TENM2: variants seen among roughly 807,000 people sequenced by gnomAD.
The protein encoded by TENM2 is teneurin-2.
In TENM2, 52 loss-of-function variants were observed where a neutral mutation model predicts 245.2. The observed-to-expected ratio is 0.21, with a 90% CI of 0.17 to 0.27. TENM2 has a LOEUF of 0.27. TENM2 is among the 10% of genes least tolerant of loss of function. The probability of loss-of-function intolerance (pLI) is 1.00; values close to 1 mark genes in which losing one functional copy is unlikely to be tolerated. For synonymous variants in TENM2, 1,363 were observed against 1,438.9 expected, an observed-to-expected ratio of 0.95 and a Z score of 1.19; for missense variants, 3,046 against 3,666.8, an observed-to-expected ratio of 0.83 and a Z score of 4.37.
At chr5:167,956,164 C>G (rs904142812) in intron 4 of TENM2, among the ~76,000 whole-genome samples, 2 of 152,080 alleles carry the variant, frequency 1.3e-5, no homozygotes, top group Non-Finnish European at 2.9e-5. Flanking sequence ...GTTTGTAGTC[C>G]TCCTTGAAGA....
chr5:167,492,980 G>A (rs761963087), intron 2 of TENM2, among the ~76,000 whole-genome samples: 1 of 152,116 alleles, frequency 6.6e-6, no homozygotes, highest in Non-Finnish European at 1.5e-5. Context: ...AAATCATAGA[G>A]GAGATGCATT....
intron 2 of TENM2, among the ~76,000 whole-genome samples, chr5:167,528,896 A>C (rs2127590938): frequency 6.6e-6 from 1 of 152,248 alleles, no homozygotes; most frequent in Middle Eastern, 3.4e-3. Flanking sequence ...AACTATCTTT[A>C]GGCTTTTTGA....
intron 23 of TENM2, among the ~76,000 whole-genome samples, chr5:168,222,569 C>T (rs912550591): frequency 2.6e-5 from 4 of 152,156 alleles, no homozygotes; most frequent in Non-Finnish European, 4.4e-5. Context: ...TCCTCTTTGT[C>T]CTGGGAAGTG....
intron 2 of TENM2, among the ~76,000 whole-genome samples, chr5:167,543,469 C>T (rs1772346929): frequency 6.6e-6 from 1 of 152,132 alleles, no homozygotes; most frequent in South Asian, 2.1e-4. Flanking sequence ...GGTAAACAAC[C>T]TTCCATACTG....
At chr5:167,303,710 T>C (rs1422879586) in intron 1 of TENM2, among the ~76,000 whole-genome samples, 3 of 152,108 alleles carry the variant, frequency 2.0e-5, no homozygotes, top group African/African-American at 7.2e-5. Flanking sequence ...AATGTGAATA[T>C]GTATCGAGAC....
chr5:167,823,628 T>C (rs527550919), intron 2 of TENM2, among the ~76,000 whole-genome samples: 2 of 152,318 alleles, frequency 1.3e-5, no homozygotes, highest in Admixed American at 6.5e-5. Flanking sequence ...CTTGGGTACC[T>C]TGAAGTGGCT....
intron 2 of TENM2, among the ~76,000 whole-genome samples, chr5:167,382,054 G>A (rs1761124020): frequency 6.6e-6 from 1 of 152,108 alleles, no homozygotes; most frequent in Admixed American, 6.6e-5. Context: ...CTGAAGTACT[G>A]AAAAATTAAG....
At chr5:167,301,747 G>A (rs901992327) in intron 1 of TENM2, among the ~76,000 whole-genome samples, 5 of 152,112 alleles carry the variant, frequency 3.3e-5, no homozygotes, top group Admixed American at 2.0e-4. Flanking sequence ...GAGCCTAAAC[G>A]CTATCTGATT....
the TENM2 span, among the ~76,000 whole-genome samples, chr5:167,231,708 T>C: frequency 6.6e-6 from 1 of 152,174 alleles, no homozygotes; most frequent in Admixed American, 6.5e-5. Context: ...GACAATGCAG[T>C]AGAAAAGAAA....
intron 1 of TENM2, chr5:167,306,393 A>C (rs1167456212): frequency 6.6e-6 from 1 of 152,142 alleles, no homozygotes; most frequent in African/African-American, 2.4e-5. Flanking sequence ...CTTGCTCCTC[A>C]GTCATCCTTA....
chr5:168,015,552 C>T (rs1473934659), intron 5 of TENM2, among the ~76,000 whole-genome samples: 1 of 152,244 alleles, frequency 6.6e-6, no homozygotes, highest in Admixed American at 6.5e-5. Flanking sequence ...GACTAAGGCA[C>T]TTATTCCATG....
Position 167,727,104 on chromosome 5 carries a change from C to CTTTTTTTTTTT in TENM2, c.503-148869_503-148859dup, listed in dbSNP as rs1227700479. Among the ~76,000 whole-genome samples the CTTTTTTTTTTT allele has an allele frequency of 2.1e-4, 20 of 96,122 alleles. 1 individual carries two copies. The highest frequency in any genetic ancestry group is 7.6e-4 in the East Asian group (2 of 2,620). 63.1% of individuals were successfully genotyped at this position (96,122 alleles called of 152,430 possible). On this transcript the variant is annotated intron_variant, in intron 2 of 28. Coordinates refer to ENST00000518659, the Ensembl canonical transcript of TENM2. Reference sequence around the variant, plus strand: ...AAATCAGTAATGAATCCATTAATTTCTTTTTTTTTTTTTTTTTTTTTTTGA... The same window carrying CTTTTTTTTTTT: ...AAATCAGTAATGAATCCATTAATTTCTTTTTTTTTTTTTTTTTTTTTTTTTTTTTTTTTTGA...
the TENM2 span, among the ~76,000 whole-genome samples, chr5:167,258,688 T>A: frequency 6.6e-6 from 1 of 152,146 alleles, no homozygotes; most frequent in Admixed American, 6.6e-5. Context: ...TTTTTATTTA[T>A]AATAACAAGC....
chr5:167,348,027 CCAG>C, intron 1 of TENM2, among the ~76,000 whole-genome samples: 1 of 152,146 alleles, frequency 6.6e-6, no homozygotes, highest in Non-Finnish European at 1.5e-5. Flanking sequence ...CAAAATTCTG[CCAG>C]CAGGCAAGGG....
chr5:167,844,145 G>GA (rs543257533), intron 2 of TENM2, among the ~76,000 whole-genome samples: 334 of 151,868 alleles, frequency 2.2e-3, no homozygotes, highest in African/African-American at 7.6e-3. Context: ...GAACCAGTGG[G>GA]AAAAAAAAGT....
the TENM2 span, chr5:167,164,888 A>G: frequency 6.6e-6 from 1 of 152,190 alleles, no homozygotes; most frequent in Non-Finnish European, 1.5e-5. Flanking sequence ...TACTTCACAT[A>G]ATTTATCTAT....
chr5:167,057,115 T>C, the TENM2 span, among the ~76,000 whole-genome samples: 1 of 152,206 alleles, frequency 6.6e-6, no homozygotes, highest in Non-Finnish European at 1.5e-5. Flanking sequence ...TCCAGTCTAC[T>C]AATGGGCCAG....
chr5:167,055,965 G>A, the TENM2 span, among the ~76,000 whole-genome samples: 1 of 151,954 alleles, frequency 6.6e-6, no homozygotes, highest in African/African-American at 2.4e-5. Context: ...AGTGGTGAGA[G>A]GGGACGTTCT....
chr5:167,563,444 C>A, intron 2 of TENM2, among the ~76,000 whole-genome samples: 1 of 152,270 alleles, frequency 6.6e-6, no homozygotes, highest in African/African-American at 2.4e-5. Context: ...TCCTTGACCA[C>A]AAGGCTACTT....
Sources: gnomAD v4.1 joint callset for allele counts (sites outside exome capture counted in the v4.1 genomes callset) on GRCh38, gnomAD v4.1.1 for gene constraint, MANE v1.5 for transcripts, NCBI Gene and HGNC (gene_info 2026-07-23, HGNC 2026-07-21) for gene names.